Variants in RCBTB2 observed in about 807,000 individuals in gnomAD.
RCBTB2 encodes RCC1 and BTB domain containing protein 2.
A neutral mutation model predicts 65.4 loss-of-function variants in RCBTB2; 55 were observed. The ratio of observed to expected loss-of-function variants is 0.84; its 90% CI spans 0.68 to 1.05. RCBTB2 has a LOEUF of 1.05. Among genes scored for constraint, RCBTB2 ranks in the 50% least tolerant of loss-of-function variants. The probability of loss-of-function intolerance (pLI) is 0.00; values close to 1 mark genes in which losing one functional copy is unlikely to be tolerated. For synonymous variants in RCBTB2, 220 were observed against 255.2 expected (o/e 0.86, Z 1.31); for missense variants, 599 against 680.1 (o/e 0.88, Z 1.33).
At chr13:48,535,654 A>C, upstream of RCBTB2, 1 of 456,616 alleles carries the variant, frequency 2.2e-6, no homozygotes, top group South Asian at 1.5e-5. Context: ...AGAATTGCTA[A>C]ATCAGTGGTT....
At chr13:48,534,005 T>C (rs561301688), upstream of RCBTB2, among the ~76,000 whole-genome samples, 1 of 152,340 alleles carries the variant, frequency 6.6e-6, no homozygotes, top group African/African-American at 2.4e-5. Context: ...CGTCTGGCTT[T>C]TGTCATTTCT....
At chr13:48,496,412 T>C in intron 13 of RCBTB2, 91 bp from the exon 14 acceptor site, 1 of 1,276,218 alleles carries the variant, frequency 7.8e-7, no homozygotes, top group South Asian at 1.6e-5. Context: ...ATTTTGACAC[T>C]ATTTTAGATA....
intron 1 of RCBTB2, among the ~76,000 whole-genome samples, chr13:48,527,136 T>A (rs1951785194): frequency 6.6e-6 from 1 of 151,448 alleles, no homozygotes; most frequent in Non-Finnish European, 1.5e-5. Flanking sequence ...ATGTTTCTTG[T>A]AGAGCCAAGG....
chr13:48,515,480 C>A, intron 5 of RCBTB2, 106 bp downstream of exon 5: 1 of 1,370,246 alleles, frequency 7.3e-7, no homozygotes, highest in Non-Finnish European at 9.9e-7. Context: ...ACCTAATTTC[C>A]ATGCTTTTTT....
At chr13:48,493,894 T>G (rs1287795094) in intron 14 of RCBTB2, among the ~76,000 whole-genome samples, 2 of 152,272 alleles carry the variant, frequency 1.3e-5, no homozygotes, top group East Asian at 3.9e-4. Context: ...TCATTTGCAG[T>G]ACCCCAGTGC....
upstream of RCBTB2, chr13:48,533,306 T>A: frequency 3.3e-6 from 1 of 302,104 alleles, no homozygotes; most frequent in East Asian, 1.4e-4. Context: ...CCCCCGGGAG[T>A]CTCCCATTGG....
intron 10 of RCBTB2, among the ~76,000 whole-genome samples, chr13:48,506,876 T>G (rs1180792275): frequency 1.3e-5 from 2 of 152,234 alleles, no homozygotes; most frequent in East Asian, 3.8e-4. Flanking sequence ...GGGGTAATGT[T>G]CTATGAAAAA....
At chr13:48,523,138 T>C (rs1057460745) in intron 2 of RCBTB2, among the ~76,000 whole-genome samples, 7 of 152,236 alleles carry the variant, frequency 4.6e-5, no homozygotes, top group Admixed American at 1.3e-4. Context: ...ACCGATCTGA[T>C]TGACAATATG....
At chr13:48,493,882 G>T (rs1340036281) in intron 14 of RCBTB2, among the ~76,000 whole-genome samples, 1 of 152,044 alleles carries the variant, frequency 6.6e-6, no homozygotes, top group Non-Finnish European at 1.5e-5. Flanking sequence ...GGATTGTTTT[G>T]TTCATTTGCA....
At position 48,489,796 on chromosome 13, in the gene RCBTB2, G is replaced by C. The variant is rs1429492278; in HGVS notation, c.*315C>G. The C allele has an allele frequency of 3.0e-6, 1 of 329,696 alleles. No individual in the cohort carries two copies. The highest frequency in any genetic ancestry group is 2.2e-5 in the African/African-American group (1 of 46,028). 20.4% of individuals were successfully genotyped at this position (329,696 alleles called of 1,614,324 possible). ...AGCCAGCTGAATAATGGAACATTTG[G>C]GCCAGAATAGCATATACTGAGACCA... On this transcript the variant is annotated 3_prime_UTR_variant, in exon 15 of 15. Transcript: ENST00000344532.
At chr13:48,516,791 GA>G (rs1951116780) in intron 4 of RCBTB2, among the ~76,000 whole-genome samples, 1 of 152,154 alleles carries the variant, frequency 6.6e-6, no homozygotes, top group African/African-American at 2.4e-5. Flanking sequence ...AAATTTGTTT[GA>G]AAGAGTTTTA....
intron 10 of RCBTB2, among the ~76,000 whole-genome samples, chr13:48,505,284 A>G (rs769741182): frequency 6.6e-6 from 1 of 152,230 alleles, no homozygotes; most frequent in Non-Finnish European, 1.5e-5. Context: ...GCATGACAAT[A>G]GAGGTTTCTT....
intron 1 of RCBTB2, among the ~76,000 whole-genome samples, chr13:48,528,425 C>G (rs1951925207): frequency 6.6e-6 from 1 of 152,146 alleles, no homozygotes; most frequent in Non-Finnish European, 1.5e-5. Flanking sequence ...CAATATAGAA[C>G]TCTATGCTTA....
intron 1 of RCBTB2, among the ~76,000 whole-genome samples, chr13:48,531,294 T>C (rs1340117196): frequency 6.6e-6 from 1 of 152,212 alleles, no homozygotes; most frequent in African/African-American, 2.4e-5. Flanking sequence ...TGGAGTAAGT[T>C]AGTTTCCAAT....
chr13:48,535,739 A>C, upstream of RCBTB2: 2 of 456,718 alleles, frequency 4.4e-6, no homozygotes, highest in Non-Finnish European at 8.8e-6. Flanking sequence ...TGAAGCATTC[A>C]TCTTCTTCTG....
intron 4 of RCBTB2, among the ~76,000 whole-genome samples, chr13:48,519,647 C>T (rs1258436578): frequency 6.6e-6 from 1 of 152,050 alleles, no homozygotes; most frequent in Non-Finnish European, 1.5e-5. Flanking sequence ...GACTAAGGTA[C>T]AAAAATAAGA....
chr13:48,499,486 G>C, intron 13 of RCBTB2, 135 bp downstream of exon 13: 1 of 865,268 alleles, frequency 1.2e-6, no homozygotes, highest in Non-Finnish European at 1.8e-6. Flanking sequence ...CAAGGGAAAC[G>C]TGTTTGGATT....
chr13:48,497,813 C>T (rs1427841795), intron 13 of RCBTB2, among the ~76,000 whole-genome samples: 1 of 152,130 alleles, frequency 6.6e-6, no homozygotes, highest in African/African-American at 2.4e-5. Flanking sequence ...GACAGATAGC[C>T]CACTGGAGGA....
In RCBTB2 at chr13:48,515,597, C is replaced by A. The variant is rs1400728361; in HGVS notation, c.187G>T (p.Val63Leu). ...TTCTTCAAAATTACCTCATCATTTA[C>A]TGTAGTGTATAAAACTTCATTGCCA... ...SAGNEVLYTT[V>L]NDEIFVLGTN... Residue 63 changes from valine to leucine, a missense_variant, in exon 5 of 15, where the codon GTA (valine) becomes TTA (leucine). Transcript: ENST00000344532. 6.2e-7 allele frequency: 1 copy of A among 1,601,876 alleles called. No individual in the cohort carries two copies. The highest frequency in any genetic ancestry group is 8.5e-7 in the Non-Finnish European group (1 of 1,176,712).
Sources: allele counts gnomAD v4.1 joint callset (sites outside exome capture counted in the v4.1 genomes callset), GRCh38; gene constraint gnomAD v4.1.1; transcripts MANE v1.5; gene names NCBI Gene and HGNC (gene_info 2026-07-23, HGNC 2026-07-21).